The following GLIS3 variants were observed in gnomAD, a reference collection of about 807,000 sequenced individuals.
GLIS3 encodes the protein zinc finger protein GLIS3.
In GLIS3, 53 loss-of-function variants were observed where a neutral mutation model predicts 78.6. The ratio of observed to expected loss-of-function variants is 0.67; its 90% confidence interval spans 0.54 to 0.85. The LOEUF is 0.85. Ranked by LOEUF, GLIS3 falls within the 40% of genes least tolerant of loss-of-function variation. The probability of loss-of-function intolerance (pLI) is 0.00; values close to 1 mark genes in which losing one functional copy is unlikely to be tolerated. For missense variants in GLIS3, 1,703 were observed against 1,231.1 expected (o/e 1.38, Z -5.74); for synonymous variants, 684 against 509.9 (o/e 1.34, Z -4.60).
At chr9:3,983,781 C>T (rs1433239996) in intron 4 of GLIS3, among the ~76,000 whole-genome samples, 1 of 152,110 alleles carries the variant, frequency 6.6e-6, no homozygotes, top group Non-Finnish European at 1.5e-5. Flanking sequence ...GCAGAGCATT[C>T]AAGAGGTGAC....
At chr9:4,187,868 G>A (rs1817956057) in intron 2 of GLIS3, among the ~76,000 whole-genome samples, 1 of 152,094 alleles carries the variant, frequency 6.6e-6, no homozygotes, top group South Asian at 2.1e-4. Flanking sequence ...CTTTGCTGAA[G>A]TTGCTTATCA....
intron 4 of GLIS3, among the ~76,000 whole-genome samples, chr9:3,972,925 C>G (rs1413636688): frequency 6.6e-6 from 1 of 152,070 alleles, no homozygotes; most frequent in Non-Finnish European, 1.5e-5. Flanking sequence ...ACGCTGATTG[C>G]AAGAGTTAAG....
chr9:4,114,373 T>G (rs547735351), intron 4 of GLIS3, among the ~76,000 whole-genome samples: 26 of 152,298 alleles, frequency 1.7e-4, no homozygotes, highest in African/African-American at 6.0e-4. Context: ...TGTTTGGGTT[T>G]ATACTTCATG....
intron 2 of GLIS3, among the ~76,000 whole-genome samples, chr9:4,187,071 A>G (rs191679837): frequency 2.6e-5 from 4 of 152,278 alleles, no homozygotes; most frequent in African/African-American, 9.6e-5. Context: ...GTCCTTGCCC[A>G]TGCCTATGTC....
At chr9:4,350,258 A>T (rs562617431), upstream of GLIS3, among the ~76,000 whole-genome samples, 1 of 152,366 alleles carries the variant, frequency 6.6e-6, no homozygotes, top group East Asian at 1.9e-4. Flanking sequence ...AGCACCTTGG[A>T]GAGCAAAGAG....
chr9:4,220,445 G>A (rs1444618102), intron 2 of GLIS3, among the ~76,000 whole-genome samples: 1 of 152,198 alleles, frequency 6.6e-6, no homozygotes, highest in Non-Finnish European at 1.5e-5. Flanking sequence ...TTAGCCAAGG[G>A]ATAGAAGTTA....
chr9:4,398,939 G>A, the GLIS3 span, among the ~76,000 whole-genome samples: 1 of 152,104 alleles, frequency 6.6e-6, no homozygotes, highest in Non-Finnish European at 1.5e-5. Flanking sequence ...CACCTACCTT[G>A]GCCTCTCAAA....
chr9:3,872,107 C>T (rs371554589), intron 8 of GLIS3, among the ~76,000 whole-genome samples: 53 of 152,314 alleles, frequency 3.5e-4, no homozygotes, highest in Admixed American at 1.3e-3. Context: ...TTTGCTAAAA[C>T]GTAACAAGAG....
chr9:4,383,282 T>C, the GLIS3 span, among the ~76,000 whole-genome samples: 7 of 152,226 alleles, frequency 4.6e-5, no homozygotes, highest in African/African-American at 7.2e-5. Flanking sequence ...TCCAACCAGA[T>C]TGCATTTTTT....
chr9:4,415,336 C>T, the GLIS3 span, among the ~76,000 whole-genome samples: 33 of 152,302 alleles, frequency 2.2e-4, no homozygotes, highest in Admixed American at 1.8e-3. Flanking sequence ...ACATCAGGAA[C>T]CTCAACATTA....
At chr9:3,950,046 C>A (rs1415731208) in intron 4 of GLIS3, among the ~76,000 whole-genome samples, 1 of 152,228 alleles carries the variant, frequency 6.6e-6, no homozygotes, top group East Asian at 1.9e-4. Flanking sequence ...GCCTTCACTG[C>A]CTGCTCTCTA....
intron 4 of GLIS3, among the ~76,000 whole-genome samples, chr9:4,007,068 C>T (rs150814423): frequency 6.6e-6 from 1 of 152,160 alleles, no homozygotes; most frequent in African/African-American, 2.4e-5. Flanking sequence ...AAGGAATAAG[C>T]CTGGAGACCA....
intron 4 of GLIS3, among the ~76,000 whole-genome samples, chr9:4,110,739 T>G (rs1164979228): frequency 6.6e-6 from 1 of 152,166 alleles, no homozygotes; most frequent in East Asian, 1.9e-4. Context: ...AGCATTGTCT[T>G]ATTGATGGCT....
chr9:4,298,568 G>A (rs958741625), intron 1 of GLIS3: 7 of 315,058 alleles, frequency 2.2e-5, no homozygotes, highest in African/African-American at 1.6e-4. Context: ...AGCGACCCGG[G>A]CCGACTTCAA....
intron 2 of GLIS3, 173 bp downstream of exon 2, chr9:4,285,865 C>T: frequency 1.3e-6 from 1 of 755,004 alleles, no homozygotes. Context: ...TGGTCCCCTC[C>T]AACACATACA....
intron 4 of GLIS3, among the ~76,000 whole-genome samples, chr9:4,075,184 A>AT (rs1827942347): frequency 6.6e-6 from 1 of 152,190 alleles, no homozygotes. Context: ...GAGTGTATGC[A>AT]TATGTCCAAC....
intron 4 of GLIS3, among the ~76,000 whole-genome samples, chr9:3,957,868 C>G (rs372919100): frequency 7.9e-5 from 12 of 152,318 alleles, no homozygotes; most frequent in African/African-American, 2.9e-4. Flanking sequence ...GCAAAATGCT[C>G]TGCCTGAAAT....
intron 4 of GLIS3, among the ~76,000 whole-genome samples, chr9:4,075,377 G>C (rs930892300): frequency 6.8e-6 from 1 of 146,494 alleles, no homozygotes; most frequent in African/African-American, 2.5e-5. Context: ...GACCATCCTG[G>C]CTAACAAGGT....
chr9:4,337,681 G>C (rs544602361), intron 2 of GLIS3, among the ~76,000 whole-genome samples: 51 of 152,142 alleles, frequency 3.4e-4, no homozygotes, highest in Admixed American at 1.4e-3. Context: ...GCCAATATCT[G>C]ACTCATTCTA....
Sources: gnomAD v4.1 joint callset for allele counts (sites outside exome capture counted in the v4.1 genomes callset) on GRCh38, gnomAD v4.1.1 for gene constraint, MANE v1.5 for transcripts, NCBI Gene and HGNC (gene_info 2026-07-23, HGNC 2026-07-21) for gene names.